PAM: variants seen among roughly 807,000 people sequenced by gnomAD.
PAM encodes peptidyl-glycine alpha-amidating monooxygenase.
A neutral mutation model predicts 122.1 loss-of-function variants in PAM; 72 were observed. That is an observed-to-expected ratio of 0.59 (90% CI 0.49 to 0.72). The LOEUF is 0.72. Among genes scored for constraint, PAM ranks in the 30% least tolerant of loss-of-function variants. PAM has a pLI of 0.00. For missense variants in PAM, 1,106 were observed against 1,183.7 expected, an observed-to-expected ratio of 0.93 and a Z score of 0.96; for synonymous variants, 389 against 404.4, an observed-to-expected ratio of 0.96 and a Z score of 0.46.
At chr5:102,967,975 G>A (rs1562070534) in intron 14 of PAM, among the ~76,000 whole-genome samples, 1 of 152,056 alleles carries the variant, frequency 6.6e-6, no homozygotes, top group Non-Finnish European at 1.5e-5. Context: ...GGCCTGTCTT[G>A]GCTTCCCAAA....
intron 3 of PAM, among the ~76,000 whole-genome samples, chr5:102,895,567 C>T (rs952097088): frequency 4.6e-5 from 7 of 151,518 alleles, no homozygotes; most frequent in Admixed American, 1.3e-4. Context: ...TTAGAACAGG[C>T]CTGGGGGGAA....
intron 16 of PAM, among the ~76,000 whole-genome samples, chr5:102,990,783 A>G (rs1473836854): frequency 1.3e-5 from 2 of 152,176 alleles, no homozygotes; most frequent in East Asian, 3.8e-4. Flanking sequence ...AAGGTTGCTG[A>G]TGGACTATAA....
At chr5:102,788,606 A>T (rs1761215157) in intron 1 of PAM, among the ~76,000 whole-genome samples, 1 of 152,070 alleles carries the variant, frequency 6.6e-6, no homozygotes, top group Non-Finnish European at 1.5e-5. Flanking sequence ...CTCACAAATT[A>T]ATTTTTGTTA....
chr5:102,918,476 A>AT (rs1315764766), intron 5 of PAM, among the ~76,000 whole-genome samples: 1 of 152,124 alleles, frequency 6.6e-6, no homozygotes, highest in African/African-American at 2.4e-5. Flanking sequence ...TAAATTTACT[A>AT]TTTAAGTAAA....
At chr5:102,899,824 G>A (rs1236202048) in intron 3 of PAM, among the ~76,000 whole-genome samples, 1 of 151,784 alleles carries the variant, frequency 6.6e-6, no homozygotes, top group African/African-American at 2.4e-5. Context: ...AGAAGCTGGG[G>A]TGTGGTGAGG....
At chr5:102,766,925 G>GAT (rs1561386858) in intron 1 of PAM, among the ~76,000 whole-genome samples, 11 of 36,586 alleles carry the variant, frequency 3.0e-4, no homozygotes, top group African/African-American at 1.4e-3. Flanking sequence ...TTCAGTTGTG[G>GAT]ATTTTTTTTT....
At chr5:102,790,094 A>G (rs1761666581) in intron 1 of PAM, among the ~76,000 whole-genome samples, 1 of 152,066 alleles carries the variant, frequency 6.6e-6, no homozygotes, top group Non-Finnish European at 1.5e-5. Flanking sequence ...GTTGATTGTT[A>G]TTTGTTTATT....
chr5:102,801,930 C>A (rs887026898), intron 1 of PAM, among the ~76,000 whole-genome samples: 1 of 150,850 alleles, frequency 6.6e-6, no homozygotes, highest in Non-Finnish European at 1.5e-5. Flanking sequence ...AGGCGCCCGC[C>A]ACCACGCCCG....
At chr5:102,836,218 A>T (rs149890846) in intron 1 of PAM, among the ~76,000 whole-genome samples, 15 of 152,290 alleles carry the variant, frequency 9.8e-5, no homozygotes, top group African/African-American at 3.4e-4. Context: ...ATGTTGAAAA[A>T]TCTACTTATT....
chr5:102,974,442 T>C lies in PAM; in HGVS notation c.1483+6T>C, dbSNP rs777313286. On this transcript the variant is annotated splice_donor_region_variant and intron_variant, in intron 15 of 25. Coordinates refer to ENST00000438793, the MANE Select transcript of PAM (RefSeq NM_001177306.2). ...GGAACCAGAACACACAGGAGGTGCGTGTAGGGTTTCTTTTAAGCAGTAAAG... is the reference window on the plus strand; with the variant it reads ...GGAACCAGAACACACAGGAGGTGCGCGTAGGGTTTCTTTTAAGCAGTAAAG... 1.9e-6 allele frequency: 3 copies of C among 1,593,136 alleles called. No individual in the cohort carries two copies. Among genetic ancestry groups the C allele is most frequent in the Non-Finnish European group, 2.6e-6 (3 of 1,167,058 alleles).
chr5:102,851,335 G>A (rs1474553505), intron 1 of PAM, among the ~76,000 whole-genome samples: 1 of 152,058 alleles, frequency 6.6e-6, no homozygotes, highest in East Asian at 1.9e-4. Flanking sequence ...GTATATCCTT[G>A]GAGGATAATT....
At chr5:102,833,735 A>G (rs1776112251) in intron 1 of PAM, among the ~76,000 whole-genome samples, 1 of 152,176 alleles carries the variant, frequency 6.6e-6, no homozygotes, top group African/African-American at 2.4e-5. Flanking sequence ...AAAGACAGCT[A>G]GAGACTTAGT....
intron 5 of PAM, among the ~76,000 whole-genome samples, chr5:102,914,682 T>C (rs1802572444): frequency 6.6e-6 from 1 of 152,082 alleles, no homozygotes; most frequent in African/African-American, 2.4e-5. Flanking sequence ...ATTTCCACTT[T>C]ACAGACAAGA....
intron 1 of PAM, among the ~76,000 whole-genome samples, chr5:102,758,545 A>G (rs75215071): frequency 0.029 from 4,370 of 152,292 alleles, 110 homozygotes; most frequent in East Asian, 0.14. Context: ...AATAGCTCAA[A>G]AGATGGGCTG....
chr5:102,863,761 TA>T (rs11359612), intron 1 of PAM, among the ~76,000 whole-genome samples: 2,199 of 150,368 alleles, frequency 0.015, 24 homozygotes, highest in African/African-American at 0.029. Flanking sequence ...TCCAGAATTA[TA>T]AAAAAAATAA....
At chr5:103,012,189 AT>A (rs1254830219) in intron 21 of PAM, among the ~76,000 whole-genome samples, 2 of 151,740 alleles carry the variant, frequency 1.3e-5, no homozygotes, top group Non-Finnish European at 2.9e-5. Context: ...GTAGTTTGCA[AT>A]TTTTTTTCCT....
chr5:102,997,445 G>A (rs112358194), intron 16 of PAM, among the ~76,000 whole-genome samples: 2,473 of 152,046 alleles, frequency 0.016, 50 homozygotes, highest in African/African-American at 0.057. Context: ...CATGAGTCTG[G>A]TAGGTTGAGG....
rs1438691022 is a variant in PAM, at chr5:103,003,092, C to G, written c.1673C>G (p.Thr558Ser). 1 of 1,607,850 alleles carries G rather than the reference C, an allele frequency of 6.2e-7. No individual in the cohort carries two copies. Among genetic ancestry groups the G allele is most frequent in the Non-Finnish European group, 8.5e-7 (1 of 1,174,448 alleles). ...GGACTCGGACCAATTGAAGAAGACACTATTCTTGTCATAGATCCAAATAAT... is the reference window on the plus strand; with the variant it reads ...GGACTCGGACCAATTGAAGAAGACAGTATTCTTGTCATAGATCCAAATAAT... ...QIGLGPIEED[T>S]ILVIDPNNAA... The change falls in exon 17 of 26, where the codon ACT (threonine) becomes AGT (serine). Residue 558 changes from threonine to serine, a missense_variant. Coordinates refer to ENST00000438793, the MANE Select transcript of PAM (RefSeq NM_001177306.2).
intron 1 of PAM, among the ~76,000 whole-genome samples, chr5:102,844,106 G>A (rs1007923496): frequency 6.6e-6 from 1 of 152,188 alleles, no homozygotes; most frequent in African/African-American, 2.4e-5. Context: ...TCTGTACTAT[G>A]TAAGGAGGCT....
Sources: allele counts gnomAD v4.1 joint callset (sites outside exome capture counted in the v4.1 genomes callset), GRCh38; gene constraint gnomAD v4.1.1; transcripts MANE v1.5; gene names NCBI Gene and HGNC (gene_info 2026-07-23, HGNC 2026-07-21).